SLC66A3: variants seen among roughly 807,000 people sequenced by gnomAD.
The protein encoded by SLC66A3 is solute carrier family 66 member 3, also known as PQ loop repeat containing 3.
A neutral mutation model predicts 25.5 loss-of-function variants in SLC66A3; 23 were observed. The ratio of observed to expected loss-of-function variants is 0.90; its 90% CI spans 0.65 to 1.28. SLC66A3 has a LOEUF of 1.28. Among genes scored for constraint, SLC66A3 ranks in the 50% most tolerant of loss-of-function variants. The pLI is 0.00. For synonymous variants in SLC66A3, 108 were observed against 112.6 expected, an observed-to-expected ratio of 0.96 and a Z score of 0.26; for missense variants, 246 against 262.1, an observed-to-expected ratio of 0.94 and a Z score of 0.42.
intron 4 of SLC66A3, among the ~76,000 whole-genome samples, chr2:11,167,353 G>C (rs1662381162): frequency 6.6e-6 from 1 of 152,186 alleles, no homozygotes. Flanking sequence ...TGAGGCAGGA[G>C]AATCGCTTGA....
chr2:11,171,884 C>G, intron 4 of SLC66A3, 41 bp from the exon 5 acceptor site: 1 of 1,609,104 alleles, frequency 6.2e-7, no homozygotes, highest in Non-Finnish European at 8.5e-7. Flanking sequence ...GCTTTTTTAA[C>G]AAATCGACTC....
At position 11,169,117 on chromosome 2, in the gene SLC66A3, C is replaced by T. The variant is rs1007435641; in HGVS notation, c.355-2808C>T. Among the ~76,000 whole-genome samples, 8 of 152,112 alleles carry T rather than the reference C, an allele frequency of 5.3e-5. 1 individual carries two copies. Among genetic ancestry groups the T allele is most frequent in the East Asian group, 3.9e-4 (2 of 5,194 alleles). On this transcript the variant is annotated intron_variant, in intron 4 of 6. Coordinates refer to ENST00000295083, the MANE Select transcript of SLC66A3 (RefSeq NM_152391.5). ...AAGTGATCCTCCTGCCTTGGCCTCCCGAAGTGCTGGGATTACAGGCTTGAG... is the reference window on the plus strand; with the variant it reads ...AAGTGATCCTCCTGCCTTGGCCTCCTGAAGTGCTGGGATTACAGGCTTGAG...
chr2:11,169,521 AC>A (rs1477465517), intron 4 of SLC66A3, among the ~76,000 whole-genome samples: 1 of 152,064 alleles, frequency 6.6e-6, no homozygotes, highest in African/African-American at 2.4e-5. Context: ...TTCTTGAATC[AC>A]TGCCCACCGG....
chr2:11,162,630 G>A (rs1038372146), intron 3 of SLC66A3, among the ~76,000 whole-genome samples: 2 of 151,966 alleles, frequency 1.3e-5, no homozygotes, highest in South Asian at 2.1e-4. Context: ...TTTTTGAGAC[G>A]GAGTCACACT....
chr2:11,177,923 A>C lies in SLC66A3; in HGVS notation c.*95A>C, dbSNP rs1662823155. 3.9e-6 allele frequency: 3 copies of C among 766,110 alleles called. No homozygotes were observed. The highest frequency in any genetic ancestry group is 6.4e-6 in the Non-Finnish European group (3 of 466,646). 47.5% of individuals were successfully genotyped at this position (766,110 alleles called of 1,614,324 possible). ...AATTAAGGTCTTTTATAAATTTAGT[A>C]AATCAGTTTATAATCTTTAAAGCCA... is the stretch of plus-strand genomic sequence containing the variant. On this transcript the variant is annotated 3_prime_UTR_variant, in exon 7 of 7. Transcript: ENST00000295083.
intron 4 of SLC66A3, among the ~76,000 whole-genome samples, chr2:11,170,084 G>T (rs956670687): frequency 4.6e-5 from 7 of 152,082 alleles, no homozygotes; most frequent in Non-Finnish European, 8.8e-5. Context: ...TGATCTGCCC[G>T]CCTCGGCCTC....
intron 5 of SLC66A3, among the ~76,000 whole-genome samples, chr2:11,172,585 A>C (rs1662592845): frequency 6.6e-6 from 1 of 152,206 alleles, no homozygotes; most frequent in Non-Finnish European, 1.5e-5. Flanking sequence ...CTATCACATT[A>C]GTTGGATTTA....
chr2:11,173,242 G>T lies in SLC66A3; in HGVS notation c.475+1197G>T, dbSNP rs184717154. ...GGGCTCAAGTGTTCATCTCACCTCA[G>T]CCTCCCAAAGTATTGGGATTACAGG... On this transcript the variant is annotated intron_variant, in intron 5 of 6. Transcript: ENST00000295083. 2.0e-5 allele frequency among the ~76,000 whole-genome samples: 3 copies of T among 152,276 alleles called. No individual in the cohort carries two copies. In the East Asian group the frequency reaches 5.8e-4, roughly 29 times the overall value.
At position 11,160,464 on chromosome 2, in the gene SLC66A3, A is replaced by T. The variant is rs1224649416; in HGVS notation, c.144-2A>T. On this transcript the variant is annotated splice_acceptor_variant, in intron 1 of 6. Transcript: ENST00000295083. LOFTEE classifies it high-confidence loss of function. Reference sequence around the variant, plus strand: ...TGTGGACATGTGCCCTTCTCTCTCCAGATTCCTGGTGTTTCTGCGGTACCA... The same window carrying T: ...TGTGGACATGTGCCCTTCTCTCTCCTGATTCCTGGTGTTTCTGCGGTACCA... 1 of 1,613,888 alleles carries T rather than the reference A, an allele frequency of 6.2e-7. No individual in the cohort carries two copies. The highest frequency in any genetic ancestry group is 1.3e-5 in the African/African-American group (1 of 74,908).
At chr2:11,155,915 A>G (rs1187099359) in intron 1 of SLC66A3, among the ~76,000 whole-genome samples, 3 of 152,198 alleles carry the variant, frequency 2.0e-5, no homozygotes, top group Non-Finnish European at 2.9e-5. Flanking sequence ...CGTGGCACGA[A>G]TTGATTGCGC....
chr2:11,164,999 T>C (rs900401176), intron 4 of SLC66A3, among the ~76,000 whole-genome samples: 1 of 152,254 alleles, frequency 6.6e-6, no homozygotes, highest in Non-Finnish European at 1.5e-5. Flanking sequence ...CTTTTCTATT[T>C]GACAAAACCA....
intron 1 of SLC66A3, 145 bp downstream of exon 1, chr2:11,155,834 A>T: frequency 1.4e-6 from 1 of 698,946 alleles, no homozygotes; most frequent in Non-Finnish European, 2.1e-6. Context: ...TGAACTAGGG[A>T]GCCTAGGGGC....
intron 1 of SLC66A3, 40 bp downstream of exon 1, chr2:11,155,729 G>A (rs940246929): frequency 2.2e-4 from 295 of 1,328,458 alleles, no homozygotes; most frequent in Non-Finnish European, 2.8e-4. Flanking sequence ...CTGCCCCCTC[G>A]CAGCTGCTGC....
At chr2:11,157,468 T>G (rs13390518) in intron 1 of SLC66A3, among the ~76,000 whole-genome samples, 27,018 of 152,190 alleles carry the variant, frequency 0.18, 3,221 homozygotes, top group Non-Finnish European at 0.26. Flanking sequence ...CCCTCCTGTC[T>G]CCCTGCCTGC....
At chr2:11,158,419 T>G (rs537490336) in intron 1 of SLC66A3, among the ~76,000 whole-genome samples, 51 of 152,288 alleles carry the variant, frequency 3.3e-4, no homozygotes, top group Admixed American at 2.7e-3. Flanking sequence ...TCCCAGCACT[T>G]TGGGAGGCCC....
At position 11,163,530 on chromosome 2, in the gene SLC66A3, GGTGCTAC is replaced by G. The variant is rs1252318889; in HGVS notation, c.297-668_297-662del. 9.2e-5 allele frequency among the ~76,000 whole-genome samples: 14 copies of G among 152,268 alleles called. No homozygotes were observed. In the Middle Eastern group the frequency reaches 0.014, roughly 148 times the overall value. ...TATAATAACAGCAGTCTCTTGAGTC[GGTGCTAC>G]GTGCTTGTAGGCATTTTACAGATAA... On this transcript the variant is annotated intron_variant, in intron 3 of 6. Coordinates refer to ENST00000295083, the MANE Select transcript of SLC66A3 (RefSeq NM_152391.5).
At position 11,160,321 on chromosome 2, in the gene SLC66A3, G is replaced by A. The variant is rs1662070671; in HGVS notation, c.144-145G>A. On this transcript the variant is annotated intron_variant, in intron 1 of 6. Transcript: ENST00000295083. ...GATTCAACTGAATTCCATCTATTTTGTTCTAAACCTTCCTCTTTGACACTG... is the reference window on the plus strand; with the variant it reads ...GATTCAACTGAATTCCATCTATTTTATTCTAAACCTTCCTCTTTGACACTG... 3 of 701,872 alleles carry A rather than the reference G, an allele frequency of 4.3e-6. No individual in the cohort carries two copies. In the South Asian group the frequency reaches 4.8e-5, roughly 11 times the overall value. The allele number at this position is 701,872 out of a possible 1,614,324, so 43.5% of individuals were successfully genotyped here. A position where few individuals can be genotyped will look rare whatever the true frequency, so the allele number is the denominator to read the frequency against.
In SLC66A3 at chr2:11,178,057, G is replaced by A. The variant is rs1343788907; in HGVS notation, c.*229G>A. 1.4e-5 allele frequency: 6 copies of A among 419,348 alleles called. No homozygotes were observed. The Admixed American group carries it at 2.7e-4, about 19-fold the overall frequency. 26.0% of individuals were successfully genotyped at this position (419,348 alleles called of 1,614,324 possible). A position where few individuals can be genotyped will look rare whatever the true frequency, so the allele number is the denominator to read the frequency against. ...AGGTTATGGTAGTGCTCAGACATCT[G>A]CAGTGTTGAGGCCAGTCACTGTTGG... On this transcript the variant is annotated 3_prime_UTR_variant, in exon 7 of 7. Transcript: ENST00000295083.
At chr2:11,156,454 G>T (rs947465546) in intron 1 of SLC66A3, among the ~76,000 whole-genome samples, 4 of 152,164 alleles carry the variant, frequency 2.6e-5, no homozygotes, top group African/African-American at 9.7e-5. Flanking sequence ...CCCTGGCCAG[G>T]CCAGGCCTTC....
Sources: allele counts gnomAD v4.1 joint callset (sites outside exome capture counted in the v4.1 genomes callset), GRCh38; gene constraint gnomAD v4.1.1; transcripts MANE v1.5; gene names NCBI Gene and HGNC (gene_info 2026-07-23, HGNC 2026-07-21).